TRIM2: variants seen among roughly 807,000 people sequenced by gnomAD.
TRIM2 encodes tripartite motif-containing protein 2.
A neutral mutation model predicts 75.2 loss-of-function variants in TRIM2; 20 were observed. That is an observed-to-expected ratio of 0.27 (90% CI 0.19 to 0.39). The LOEUF (loss-of-function observed/expected upper bound fraction) is 0.39, where lower values mean the gene tolerates loss of function less well. TRIM2 is among the 10% of genes least tolerant of loss of function. TRIM2 has a pLI of 1.00. For missense variants in TRIM2, 660 were observed against 990.8 expected, an observed-to-expected ratio of 0.67 and a Z score of 4.48; for synonymous variants, 373 against 388.3, an observed-to-expected ratio of 0.96 and a Z score of 0.46.
intron 1 of TRIM2, among the ~76,000 whole-genome samples, chr4:153,218,716 T>C (rs1000023073): frequency 6.6e-6 from 1 of 152,164 alleles, no homozygotes; most frequent in Non-Finnish European, 1.5e-5. Context: ...TCTTTTCATA[T>C]ATGGTCTTGA....
rs1560988323 is a variant in TRIM2, at chr4:153,307,753, T to G, written c.1511-7732T>G. ...GCACCATTTCTGGACGCTCGTGCTG[T>G]GTCGGACTTCAGCCATCTCCACCAC... On this transcript the variant is annotated intron_variant, in intron 6 of 11. Transcript: ENST00000338700. 4 of 667,672 alleles carry G rather than the reference T, an allele frequency of 6.0e-6. No individual in the cohort carries two copies. In the East Asian group the frequency reaches 1.2e-4, roughly 20 times the overall value. 41.4% of individuals were successfully genotyped at this position (667,672 alleles called of 1,614,324 possible).
At chr4:153,161,699 G>A (rs549672999) in intron 1 of TRIM2, among the ~76,000 whole-genome samples, 1 of 152,268 alleles carries the variant, frequency 6.6e-6, no homozygotes, top group East Asian at 1.9e-4. Flanking sequence ...GTTCTCACAG[G>A]CCAACTGCTA....
At chr4:153,221,990 G>A (rs1326792238) in intron 1 of TRIM2, among the ~76,000 whole-genome samples, 102 of 42,034 alleles carry the variant, frequency 2.4e-3, no homozygotes, top group African/African-American at 7.1e-3. Context: ...AAGGAAGGGA[G>A]AGAGGAAGGA....
chr4:153,168,226 C>G (rs1346345823), intron 1 of TRIM2, among the ~76,000 whole-genome samples: 1 of 151,932 alleles, frequency 6.6e-6, no homozygotes, highest in Non-Finnish European at 1.5e-5. Context: ...ACCACACACA[C>G]ACAAATGAGC....
chr4:153,294,842 A>T (rs73854645), intron 5 of TRIM2, among the ~76,000 whole-genome samples: 6,015 of 152,264 alleles, frequency 0.04, 376 homozygotes, highest in African/African-American at 0.14. Context: ...ATGAACCCTG[A>T]CTGCAGCCTT....
chr4:153,191,969 G>A (rs1435546452), intron 1 of TRIM2, among the ~76,000 whole-genome samples: 1 of 152,130 alleles, frequency 6.6e-6, no homozygotes, highest in Admixed American at 6.6e-5. Context: ...TTCCTAGCAT[G>A]TCCCCTCTGG....
intron 6 of TRIM2, among the ~76,000 whole-genome samples, chr4:153,300,335 G>T (rs1560976361): frequency 6.6e-6 from 1 of 151,754 alleles, no homozygotes; most frequent in East Asian, 1.9e-4. Flanking sequence ...GTTTCCCCAG[G>T]CTGGAGTACA....
chr4:153,259,496 T>A (rs1752878233), intron 1 of TRIM2, among the ~76,000 whole-genome samples: 1 of 152,212 alleles, frequency 6.6e-6, no homozygotes, highest in South Asian at 2.1e-4. Context: ...ACCCAAATAT[T>A]TGAGGTATTA....
chr4:153,253,421 T>C lies in TRIM2; in HGVS notation c.31-16914T>C, dbSNP rs771304069. ...CTGGGTATGACAGCCATAGTGCCCC[T>C]TCACATTTCCAAATGCACACCCTAC... On this transcript the variant is annotated intron_variant, in intron 1 of 11. Coordinates refer to ENST00000338700, the MANE Select transcript of TRIM2 (RefSeq NM_015271.5). Among the ~76,000 whole-genome samples, 24 of 152,140 alleles carry C rather than the reference T, an allele frequency of 1.6e-4. 1 individual carries two copies. Among genetic ancestry groups the C allele is most frequent in the Admixed American group, 2.6e-4 (4 of 15,274 alleles).
chr4:153,315,448 T>A, intron 6 of TRIM2, 37 bp from the exon 7 acceptor site: 1 of 1,519,638 alleles, frequency 6.6e-7, no homozygotes, highest in Non-Finnish European at 9.0e-7. Context: ...TCTAACCCTT[T>A]AGTGCTTAAT....
At chr4:153,172,249 GCT>G (rs1180515567) in intron 1 of TRIM2, among the ~76,000 whole-genome samples, 2 of 151,996 alleles carry the variant, frequency 1.3e-5, no homozygotes, top group Admixed American at 6.6e-5. Context: ...GTGCAGTGGT[GCT>G]ATCTTGGCTC....
Position 153,335,455 on chromosome 4 carries a change from T to C in TRIM2, c.*489T>C, listed in dbSNP as rs933841397. The C allele has an allele frequency of 1.7e-5, 17 of 985,376 alleles. No individual in the cohort carries two copies. Among genetic ancestry groups the C allele is most frequent in the Non-Finnish European group, 1.9e-5 (16 of 829,972 alleles). 61.0% of individuals were successfully genotyped at this position (985,376 alleles called of 1,614,324 possible). On this transcript the variant is annotated 3_prime_UTR_variant, in exon 12 of 12. Transcript: ENST00000338700. ...TAGGTATTACTCTTGTGACATTTTT[T>C]TGGTTATCAACAACTAAATATAAAT...
Position 153,294,365 on chromosome 4 carries a change from C to G in TRIM2, c.666C>G (p.Asn222Lys). The G allele has an allele frequency of 6.2e-7, 1 of 1,614,172 alleles. No individual in the cohort carries two copies. Among genetic ancestry groups the G allele is most frequent in the Non-Finnish European group, 8.5e-7 (1 of 1,180,034 alleles). Residue 222 changes from asparagine to lysine, a missense_variant, in exon 5 of 12, where the codon AAC becomes AAG. This residue lies in a region of TRIM2 where 620 missense variants were observed against 891.0 expected (regional missense o/e 0.70). Transcript: ENST00000338700. ...CTGAAATCATTCATCAGTTAACCAA[C>G]CAAAAGGCCAGCATCGTGGATGACA... ...FISEIIHQLT[N>K]QKASIVDDIH...
At chr4:153,312,338 A>G (rs1028743319) in intron 6 of TRIM2, among the ~76,000 whole-genome samples, 2 of 152,060 alleles carry the variant, frequency 1.3e-5, no homozygotes, top group African/African-American at 4.8e-5. Context: ...GGTTGGTTCC[A>G]ATTCTTTGCT....
Position 153,337,719 on chromosome 4 carries a change from C to CT in TRIM2, c.*2759dup, listed in dbSNP as rs1266548453. On this transcript the variant is annotated 3_prime_UTR_variant, in exon 12 of 12. Transcript: ENST00000338700. ...CTGAGAAGGATATTAAAATAAGTGG[C>CT]TTTTTTCTGGGCTACCATTATTGTT... The CT allele has an allele frequency of 1.0e-6, 1 of 985,808 alleles. No homozygotes were observed. The highest frequency in any genetic ancestry group is 1.2e-6 in the Non-Finnish European group (1 of 829,928). 61.1% of individuals were successfully genotyped at this position (985,808 alleles called of 1,614,324 possible). A position where few individuals can be genotyped will look rare whatever the true frequency, so the allele number is the denominator to read the frequency against.
chr4:153,307,552 T>C lies in TRIM2; in HGVS notation c.1511-7933T>C, dbSNP rs143341683. Among the ~76,000 whole-genome samples the C allele has an allele frequency of 6.7e-3, 1,026 of 152,288 alleles. 11 individuals carry two copies. Among genetic ancestry groups the C allele is most frequent in the African/African-American group, 0.023 (967 of 41,558 alleles). ...TTCACATCATAGACTTCACTTCCAA[T>C]TCCTTGGAATGTTCATTTCTTTGGC... On this transcript the variant is annotated intron_variant, in intron 6 of 11. Coordinates refer to ENST00000338700, the MANE Select transcript of TRIM2 (RefSeq NM_015271.5).
At chr4:153,201,541 G>A (rs528615050), upstream of TRIM2, among the ~76,000 whole-genome samples, 1 of 151,880 alleles carries the variant, frequency 6.6e-6, no homozygotes, top group Non-Finnish European at 1.5e-5. Flanking sequence ...AGCACAAAAG[G>A]TTTTAATTTT....
chr4:153,264,130 A>G (rs184018227), intron 1 of TRIM2, among the ~76,000 whole-genome samples: 2 of 152,336 alleles, frequency 1.3e-5, no homozygotes, highest in Admixed American at 6.5e-5. Context: ...AGCAGGTGAC[A>G]CTGAGCTGGA....
intron 1 of TRIM2, among the ~76,000 whole-genome samples, chr4:153,249,278 G>A (rs1750176436): frequency 6.6e-6 from 1 of 152,260 alleles, no homozygotes; most frequent in African/African-American, 2.4e-5. Flanking sequence ...TCTTCCGCCT[G>A]AGCGCAGCTC....
Sources: gnomAD v4.1 joint callset for allele counts (sites outside exome capture counted in the v4.1 genomes callset) on GRCh38, gnomAD v4.1.1 for gene constraint, gnomAD v4.1.1 regional missense constraint, MANE v1.5 for transcripts, NCBI Gene and HGNC (gene_info 2026-07-23, HGNC 2026-07-21) for gene names.